The following RNF144B variants were observed in gnomAD, a reference collection of about 807,000 sequenced individuals.
RNF144B encodes the protein E3 ubiquitin-protein ligase RNF144B.
A neutral mutation model predicts 40.2 loss-of-function variants in RNF144B; 25 were observed. The observed-to-expected ratio is 0.62, with a 90% CI of 0.45 to 0.87. RNF144B has a LOEUF of 0.87. Among genes scored for constraint, RNF144B ranks in the 40% least tolerant of loss-of-function variants. The pLI is 0.00. For missense variants in RNF144B, 365 were observed against 373.7 expected (o/e 0.98, Z 0.19); for synonymous variants, 145 against 136.3 (o/e 1.06, Z -0.44).
rs1795180328 is a variant in RNF144B, at chr6:18,418,084, A to G, written c.166-9497A>G. ...GGCTATAATAAAAAAGACAGAAAAT[A>G]ACGAGTTTTGATGAGAATTTAAAGA... is the stretch of plus-strand genomic sequence containing the variant. On this transcript the variant is annotated intron_variant, in intron 2 of 7. Coordinates refer to ENST00000259939, the MANE Select transcript of RNF144B (RefSeq NM_182757.4). The surrounding 1 kb of genome is among the most constrained non-coding windows in gnomAD (Gnocchi z 5.2). 6.6e-6 allele frequency among the ~76,000 whole-genome samples: 1 copy of G among 152,218 alleles called. No homozygotes were observed. The highest frequency in any genetic ancestry group is 6.5e-5 in the Admixed American group (1 of 15,284).
rs1794739994 is a variant in RNF144B, at chr6:18,398,815, A to G, written c.-36-684A>G. 6.6e-6 allele frequency among the ~76,000 whole-genome samples: 1 copy of G among 152,218 alleles called. No homozygotes were observed. Among genetic ancestry groups the G allele is most frequent in the Admixed American group, 6.5e-5 (1 of 15,288 alleles). ...CCCTGCTTTCAGTTCTTTTGGGTAT[A>G]TACCCGATTGCTGGATCATATGTTA... On this transcript the variant is annotated intron_variant, in intron 1 of 7. Transcript: ENST00000259939. This position sits in a 1 kb window ranked among gnomAD's most constrained non-coding sequence, Gnocchi z 5.0.
chr6:18,427,343 T>C (rs139583169), intron 2 of RNF144B, among the ~76,000 whole-genome samples: 4 of 152,260 alleles, frequency 2.6e-5, no homozygotes, highest in East Asian at 1.9e-4. Context: ...TGTGTGAGCA[T>C]AGGGAAATCT....
chr6:18,396,565 C>A, intron 1 of RNF144B: 1 of 985,422 alleles, frequency 1.0e-6, no homozygotes, highest in Non-Finnish European at 1.2e-6. Context: ...TGGGATGGTT[C>A]TGGCCTGTGT....
chr6:18,426,164 A>T (rs1184514739), intron 2 of RNF144B, among the ~76,000 whole-genome samples: 1 of 152,222 alleles, frequency 6.6e-6, no homozygotes, highest in Non-Finnish European at 1.5e-5. Flanking sequence ...TTTTATAAAA[A>T]GTTGGTGCAA....
rs1759419327 is a variant in RNF144B, at chr6:18,460,194, G to A, written c.681+443G>A. Among the ~76,000 whole-genome samples, 1 of 152,168 alleles carries A rather than the reference G, an allele frequency of 6.6e-6. No individual in the cohort carries two copies. The highest frequency in any genetic ancestry group is 2.1e-4 in the South Asian group (1 of 4,828). ...CTGCATTTCTTTCTGGAGGCTTTAG[G>A]GGAGAATCTGTTTTCTTGCCTTGGA... is the stretch of plus-strand genomic sequence containing the variant. On this transcript the variant is annotated intron_variant, in intron 6 of 7. Transcript: ENST00000259939. The surrounding 1 kb of genome is among the most constrained non-coding windows in gnomAD (Gnocchi z 4.4).
At position 18,443,754 on chromosome 6, in the gene RNF144B, C is replaced by G. The variant is rs1327550162; in HGVS notation, c.331+4010C>G. Reference sequence around the variant, plus strand: ...CTTTATCTAAATTATGTAAAATAGACTTCTTATCTACCTCAAACTCGAGAC... The same window carrying G: ...CTTTATCTAAATTATGTAAAATAGAGTTCTTATCTACCTCAAACTCGAGAC... On this transcript the variant is annotated intron_variant, in intron 4 of 7. Transcript: ENST00000259939. This position sits in a 1 kb window ranked among gnomAD's most constrained non-coding sequence, Gnocchi z 4.7. Among the ~76,000 whole-genome samples, 1 of 152,112 alleles carries G rather than the reference C, an allele frequency of 6.6e-6. No homozygotes were observed. The highest frequency in any genetic ancestry group is 1.9e-4 in the East Asian group (1 of 5,190).
In RNF144B at chr6:18,464,061, AG is replaced by A. The variant is rs1242299338; in HGVS notation, c.771+682del. On this transcript the variant is annotated intron_variant, in intron 7 of 7. Coordinates refer to ENST00000259939, the MANE Select transcript of RNF144B (RefSeq NM_182757.4). The surrounding 1 kb of genome is among the most constrained non-coding windows in gnomAD (Gnocchi z 6.1). ...CAAGATGAGATTTGGGTGGGGACAC[AG>A]CCAAACCATATCAGGCAGTGCTCTA... Among the ~76,000 whole-genome samples the A allele has an allele frequency of 6.6e-6, 1 of 152,182 alleles. No individual in the cohort carries two copies. The highest frequency in any genetic ancestry group is 2.4e-5 in the African/African-American group (1 of 41,446).
rs1223985912 is a variant in RNF144B at position 18,463,187 on chromosome 6, A to C, written c.682-104A>C. On this transcript the variant is annotated intron_variant, in intron 6 of 7. Transcript: ENST00000259939. ...ATTCCTAGAGGGGGTCACTGATATC[A>C]CCAGAGAAAAACTTTGCCTTCCATT... 4.2e-6 allele frequency: 3 copies of C among 714,164 alleles called. No individual in the cohort carries two copies. The African/African-American group carries it at 5.2e-5, about 12-fold the overall frequency. The allele number at this position is 714,164 out of a possible 1,614,324, so 44.2% of individuals were successfully genotyped here.
intron 2 of RNF144B, among the ~76,000 whole-genome samples, chr6:18,421,069 A>G (rs1795248138): frequency 6.6e-6 from 1 of 151,980 alleles, no homozygotes; most frequent in African/African-American, 2.4e-5. Flanking sequence ...AGCCTGAGCA[A>G]CATGGCGAAA....
intron 6 of RNF144B, among the ~76,000 whole-genome samples, chr6:18,462,161 T>C (rs996022754): frequency 5.9e-5 from 9 of 152,196 alleles, no homozygotes; most frequent in African/African-American, 2.2e-4. Context: ...ATCTTTCCTT[T>C]AGAAGCCAAG....
At chr6:18,402,745 C>A (rs1478754450) in intron 2 of RNF144B, among the ~76,000 whole-genome samples, 1 of 152,222 alleles carries the variant, frequency 6.6e-6, no homozygotes, top group Non-Finnish European at 1.5e-5. Flanking sequence ...ATTTAAATAA[C>A]ATCCAGGGAA....
In RNF144B at chr6:18,425,056, G is replaced by GGT. The variant is rs10616768; in HGVS notation, c.166-2508_166-2507dup. Among the ~76,000 whole-genome samples the GGT allele has an allele frequency of 8.3e-4, 125 of 151,202 alleles. No homozygotes were observed. The highest frequency in any genetic ancestry group is 7.6e-3 in the East Asian group (39 of 5,120). On this transcript the variant is annotated intron_variant, in intron 2 of 7. Coordinates refer to ENST00000259939, the MANE Select transcript of RNF144B (RefSeq NM_182757.4). This position sits in a 1 kb window ranked among gnomAD's most constrained non-coding sequence, Gnocchi z 4.2. The stretch of plus-strand genomic sequence containing the variant: ...TTTCACGTGTATGTGTGTATGTGTG[G>GGT]GTGTGTGTGTGTGTGTGTTAAAACC...
Position 18,446,863 on chromosome 6 carries a change from G to C in RNF144B, c.331+7119G>C, listed in dbSNP as rs981642692. 8.0e-5 allele frequency among the ~76,000 whole-genome samples: 12 copies of C among 150,798 alleles called. No individual in the cohort carries two copies. Among genetic ancestry groups the C allele is most frequent in the Non-Finnish European group, 1.5e-4 (10 of 67,818 alleles). On this transcript the variant is annotated intron_variant, in intron 4 of 7. Coordinates refer to ENST00000259939, the MANE Select transcript of RNF144B (RefSeq NM_182757.4). This position sits in a 1 kb window ranked among gnomAD's most constrained non-coding sequence, Gnocchi z 4.7. ...AGGGTGTGTGTGTGTGTGTGTGTGT[G>C]TGTGTGTGTGTCTGTGTGTGTGTTG...
rs1176038362 is a variant in RNF144B, at chr6:18,406,347, G to C, written c.165+6648G>C. Among the ~76,000 whole-genome samples the C allele has an allele frequency of 6.6e-6, 1 of 152,084 alleles. No individual in the cohort carries two copies. Among genetic ancestry groups the C allele is most frequent in the Non-Finnish European group, 1.5e-5 (1 of 68,014 alleles). ...AAGGAAATGGGGAACAAGCCATACAGATATCTGGGAGAAGAGGGTTGTAGG... is the reference window on the plus strand; with the variant it reads ...AAGGAAATGGGGAACAAGCCATACACATATCTGGGAGAAGAGGGTTGTAGG... On this transcript the variant is annotated intron_variant, in intron 2 of 7. Coordinates refer to ENST00000259939, the MANE Select transcript of RNF144B (RefSeq NM_182757.4). This position sits in a 1 kb window ranked among gnomAD's most constrained non-coding sequence, Gnocchi z 4.2.
At position 18,422,640 on chromosome 6, in the gene RNF144B, A is replaced by G. The variant is rs933827914; in HGVS notation, c.166-4941A>G. Among the ~76,000 whole-genome samples, 2 of 152,174 alleles carry G rather than the reference A, an allele frequency of 1.3e-5. No homozygotes were observed. Among genetic ancestry groups the G allele is most frequent in the African/African-American group, 4.8e-5 (2 of 41,444 alleles). On this transcript the variant is annotated intron_variant, in intron 2 of 7. Coordinates refer to ENST00000259939, the MANE Select transcript of RNF144B (RefSeq NM_182757.4). The surrounding 1 kb of genome is among the most constrained non-coding windows in gnomAD (Gnocchi z 4.7). ...GACCCCAGCGCCTGCATCCAGAAGC[A>G]TCTAAGATCCTGGAAGTCAACTTAA... is the stretch of plus-strand genomic sequence containing the variant.
Position 18,402,442 on chromosome 6 carries a change from G to A in RNF144B, c.165+2743G>A, listed in dbSNP as rs748021147. On this transcript the variant is annotated intron_variant, in intron 2 of 7. Coordinates refer to ENST00000259939, the MANE Select transcript of RNF144B (RefSeq NM_182757.4). ...AATAGATGCCCCAAGTGTGTTCCAC[G>A]GACCACCAGCTCTGGGAAACAGAGA... is the stretch of plus-strand genomic sequence containing the variant. Among the ~76,000 whole-genome samples the A allele has an allele frequency of 2.3e-5, 2 of 88,220 alleles. 1 individual carries two copies. Among genetic ancestry groups the A allele is most frequent in the Non-Finnish European group, 5.3e-5 (2 of 37,414 alleles). The allele number at this position is 88,220 out of a possible 152,430, so 57.9% of individuals were successfully genotyped here.
At chr6:18,462,449 G>A (rs984663157) in intron 6 of RNF144B, among the ~76,000 whole-genome samples, 5 of 152,106 alleles carry the variant, frequency 3.3e-5, no homozygotes, top group African/African-American at 4.8e-5. Context: ...CCTCTTCCTC[G>A]ATCCAGTCTT....
intron 1 of RNF144B, among the ~76,000 whole-genome samples, chr6:18,388,806 A>T (rs965338653): frequency 2.0e-5 from 3 of 149,844 alleles, no homozygotes; most frequent in Non-Finnish European, 3.0e-5. Context: ...TTTGACTGGC[A>T]TTTTTTTTTT....
At chr6:18,401,565 T>C (rs908277948) in intron 2 of RNF144B, among the ~76,000 whole-genome samples, 2 of 152,188 alleles carry the variant, frequency 1.3e-5, no homozygotes. Flanking sequence ...TCTGTAAAAT[T>C]GTAATTTGAA....
Sources: gnomAD v4.1 joint callset for allele counts (sites outside exome capture counted in the v4.1 genomes callset) on GRCh38, gnomAD v4.1.1 for gene constraint, Gnocchi (gnomAD v3.1) non-coding constraint, MANE v1.5 for transcripts, NCBI Gene and HGNC (gene_info 2026-07-23, HGNC 2026-07-21) for gene names.